Variants in MAK observed in about 807,000 individuals in gnomAD.
MAK encodes serine/threonine-protein kinase MAK.
A neutral mutation model predicts 82.6 loss-of-function variants in MAK; 65 were observed. The ratio of observed to expected loss-of-function variants is 0.79; its 90% CI spans 0.64 to 0.97. MAK has a LOEUF of 0.97. Ranked by LOEUF, MAK falls within the 50% of genes least tolerant of loss-of-function variation. The pLI is 0.00. For synonymous variants in MAK, 250 were observed against 274.2 expected (o/e 0.91, Z 0.87); for missense variants, 703 against 780.2 (o/e 0.90, Z 1.18).
At chr6:10,774,334 A>G (rs1473487500) in intron 12 of MAK, among the ~76,000 whole-genome samples, 1 of 152,224 alleles carries the variant, frequency 6.6e-6, no homozygotes, top group Non-Finnish European at 1.5e-5. Flanking sequence ...ACGAAAATTA[A>G]GTTTTTTGCA....
intron 4 of MAK, among the ~76,000 whole-genome samples, chr6:10,816,750 T>A (rs995430864): frequency 6.0e-4 from 92 of 152,158 alleles, no homozygotes; most frequent in Non-Finnish European, 5.1e-4. Context: ...ACCAACCTAT[T>A]TTCACACTAA....
intron 10 of MAK, among the ~76,000 whole-genome samples, chr6:10,785,411 A>C (rs1382632083): frequency 6.6e-6 from 1 of 152,102 alleles, no homozygotes; most frequent in African/African-American, 2.4e-5. Flanking sequence ...GGGCCTGAAT[A>C]TACTGCCCAA....
intron 2 of MAK, among the ~76,000 whole-genome samples, chr6:10,828,827 C>T (rs9467661): frequency 0.02 from 3,119 of 152,148 alleles, 92 homozygotes; most frequent in African/African-American, 0.07. Flanking sequence ...TGGACACAGA[C>T]ATGCACAACG....
At chr6:10,767,259 C>T (rs1772530999) in intron 14 of MAK, among the ~76,000 whole-genome samples, 1 of 152,158 alleles carries the variant, frequency 6.6e-6, no homozygotes, top group Non-Finnish European at 1.5e-5. Context: ...CAACTTTTAG[C>T]AACATATAAA....
intron 14 of MAK, among the ~76,000 whole-genome samples, chr6:10,765,913 T>A (rs1413729952): frequency 6.6e-6 from 1 of 152,222 alleles, no homozygotes; most frequent in Non-Finnish European, 1.5e-5. Flanking sequence ...TGTGAAAAAT[T>A]TAAAATTTCT....
In MAK at chr6:10,811,492, C is replaced by T. The variant is rs115753988; in HGVS notation, c.358+2152G>A. ...TCAGTCACAATTTTTAAATCGTAATCGAACTTCCTCCTTCAATCCCTTATG... is the reference window on the plus strand; with the variant it reads ...TCAGTCACAATTTTTAAATCGTAATTGAACTTCCTCCTTCAATCCCTTATG... On this transcript the variant is annotated intron_variant, in intron 5 of 14. Coordinates refer to ENST00000354489, the MANE Select transcript of MAK (RefSeq NM_001242957.3). Among the ~76,000 whole-genome samples, 392 of 152,326 alleles carry T rather than the reference C, an allele frequency of 2.6e-3. 3 individuals are homozygous for T. The highest frequency in any genetic ancestry group is 8.8e-3 in the African/African-American group (364 of 41,576).
At chr6:10,787,718 G>A (rs1208594440) in intron 10 of MAK, among the ~76,000 whole-genome samples, 2 of 151,836 alleles carry the variant, frequency 1.3e-5, no homozygotes, top group Admixed American at 6.6e-5. Context: ...AAAATTAGCC[G>A]AGTGTGGTGG....
chr6:10,788,641 CA>C (rs1305176578), intron 10 of MAK, among the ~76,000 whole-genome samples: 1 of 152,078 alleles, frequency 6.6e-6, no homozygotes, highest in Non-Finnish European at 1.5e-5. Flanking sequence ...GAGACTGAGA[CA>C]GGAGAATTGC....
chr6:10,783,844 CA>C (rs1490299144), intron 11 of MAK, among the ~76,000 whole-genome samples: 1 of 152,102 alleles, frequency 6.6e-6, no homozygotes, highest in African/African-American at 2.4e-5. Flanking sequence ...CACGGTGAAA[CA>C]CCATCTCTAC....
intron 1 of MAK, among the ~76,000 whole-genome samples, chr6:10,833,458 A>G (rs1778952995): frequency 6.6e-6 from 1 of 152,122 alleles, no homozygotes; most frequent in Non-Finnish European, 1.5e-5. Flanking sequence ...TACAGAAATT[A>G]GCTGGGTGTG....
chr6:10,833,086 A>T (rs1778921602), intron 1 of MAK, among the ~76,000 whole-genome samples: 1 of 152,218 alleles, frequency 6.6e-6, no homozygotes, highest in Admixed American at 6.5e-5. Flanking sequence ...CATTTAAATC[A>T]TAGAAATTGC....
At chr6:10,785,140 T>C (rs1022002816) in intron 10 of MAK, among the ~76,000 whole-genome samples, 1 of 152,086 alleles carries the variant, frequency 6.6e-6, no homozygotes, top group Non-Finnish European at 1.5e-5. Context: ...TTTAGTGGTG[T>C]TTGTTAGTAT....
In MAK at chr6:10,830,544, G is replaced by C. The variant is rs766244428; in HGVS notation, c.101+4C>G. ...GGTGAAGTTGGCAGTGTCACACACAGTACCTTTTGATGGCCACCAGCTCCC... is the reference window on the plus strand; with the variant it reads ...GGTGAAGTTGGCAGTGTCACACACACTACCTTTTGATGGCCACCAGCTCCC... On this transcript the variant is annotated splice_donor_region_variant and intron_variant, in intron 2 of 14. Coordinates refer to ENST00000354489, the MANE Select transcript of MAK (RefSeq NM_001242957.3). 3.1e-6 allele frequency: 5 copies of C among 1,611,410 alleles called. No individual in the cohort carries two copies. The East Asian group carries it at 1.1e-4, about 36-fold the overall frequency.
chr6:10,802,384 C>T (rs553591868), intron 7 of MAK: 257 of 260,198 alleles, frequency 9.9e-4, no homozygotes, highest in African/African-American at 5.6e-3. Context: ...TGGCTCACTA[C>T]AGCCTCACCC....
chr6:10,801,217 T>C (rs574061695), intron 8 of MAK, among the ~76,000 whole-genome samples: 1 of 152,334 alleles, frequency 6.6e-6, no homozygotes, highest in African/African-American at 2.4e-5. Context: ...TTCTCAAGAT[T>C]AATTTTAAAA....
At chr6:10,780,333 G>C (rs1773844891) in intron 11 of MAK, 6 of 698,740 alleles carry the variant, frequency 8.6e-6, no homozygotes, top group African/African-American at 1.9e-5. Context: ...ATGAAAACAG[G>C]GTGCTTTGGC....
At position 10,800,510 on chromosome 6, in the gene MAK, C is replaced by G. The variant is rs962079896; in HGVS notation, c.831+1382G>C. Among the ~76,000 whole-genome samples, 2 of 151,426 alleles carry G rather than the reference C, an allele frequency of 1.3e-5. No homozygotes were observed. The highest frequency in any genetic ancestry group is 4.9e-5 in the African/African-American group (2 of 41,202). Reference sequence around the variant, plus strand: ...ACACATGTATGCTTTCCTTTTGTTTCTAACAGTTTAGGGTGCTTTTTTTTT... The same window carrying G: ...ACACATGTATGCTTTCCTTTTGTTTGTAACAGTTTAGGGTGCTTTTTTTTT... On this transcript the variant is annotated intron_variant, in intron 8 of 14. Coordinates refer to ENST00000354489, the MANE Select transcript of MAK (RefSeq NM_001242957.3). The surrounding 1 kb of genome is among the most constrained non-coding windows in gnomAD (Gnocchi z 4.2).
chr6:10,813,136 A>ATT (rs869114611), intron 5 of MAK, among the ~76,000 whole-genome samples: 20 of 728 alleles, frequency 0.027, 2 homozygotes, highest in Admixed American at 0.042. Context: ...ATATATATAA[A>ATT]TTTTTTTTTT....
intron 6 of MAK, among the ~76,000 whole-genome samples, chr6:10,807,274 G>GCC (rs1359150360): frequency 7.1e-6 from 1 of 140,966 alleles, no homozygotes; most frequent in African/African-American, 2.6e-5. Flanking sequence ...CCAACTCCCT[G>GCC]CCCCCTTTCC....
Sources: gnomAD v4.1 joint callset for allele counts (sites outside exome capture counted in the v4.1 genomes callset) on GRCh38, gnomAD v4.1.1 for gene constraint, Gnocchi (gnomAD v3.1) non-coding constraint, MANE v1.5 for transcripts, NCBI Gene and HGNC (gene_info 2026-07-23, HGNC 2026-07-21) for gene names.